PLEKHD1: variants seen among roughly 807,000 people sequenced by gnomAD.
PLEKHD1 encodes pleckstrin homology domain-containing family D member 1.
A neutral mutation model predicts 69.2 loss-of-function variants in PLEKHD1; 51 were observed. That is an observed-to-expected ratio of 0.74 (90% CI 0.59 to 0.93). PLEKHD1 has a LOEUF of 0.93. Among genes scored for constraint, PLEKHD1 ranks in the 40% least tolerant of loss-of-function variants. PLEKHD1 has a pLI of 0.00. For missense variants in PLEKHD1, 584 were observed against 641.0 expected, an observed-to-expected ratio of 0.91 and a Z score of 0.96; for synonymous variants, 236 against 244.7, an observed-to-expected ratio of 0.96 and a Z score of 0.33.
the PLEKHD1 span, among the ~76,000 whole-genome samples, chr14:69,475,454 G>A: frequency 1.3e-5 from 2 of 152,092 alleles, no homozygotes; most frequent in African/African-American, 4.8e-5. Context: ...GGGTGGCATG[G>A]TTTTCCAGCC....
At chr14:69,520,853 G>A (rs763701664) in intron 6 of PLEKHD1, among the ~76,000 whole-genome samples, 108 of 152,332 alleles carry the variant, frequency 7.1e-4, no homozygotes, top group African/African-American at 2.4e-3. Flanking sequence ...CCTCTTAAAG[G>A]CAACTGCCTA....
chr14:69,486,443 A>T lies in PLEKHD1; in HGVS notation c.149+1329A>T, dbSNP rs1478055019. Reference sequence around the variant, plus strand: ...GTTCAGCTTATCTCTGACCCCCTAAATGAAGGCTTGGAGCAACATGGAGTG... The same window carrying T: ...GTTCAGCTTATCTCTGACCCCCTAATTGAAGGCTTGGAGCAACATGGAGTG... On this transcript the variant is annotated intron_variant, in intron 1 of 12. Coordinates refer to ENST00000322564, the MANE Select transcript of PLEKHD1 (RefSeq NM_001161498.2). Among the ~76,000 whole-genome samples the T allele has an allele frequency of 3.3e-5, 5 of 152,222 alleles. No individual in the cohort carries two copies. The South Asian group carries it at 6.2e-4, about 19-fold the overall frequency.
At chr14:69,521,187 G>T (rs566396624) in intron 6 of PLEKHD1, among the ~76,000 whole-genome samples, 1 of 152,176 alleles carries the variant, frequency 6.6e-6, no homozygotes, top group African/African-American at 2.4e-5. Flanking sequence ...CAGTCTTGGT[G>T]GTGACAACAA....
At chr14:69,469,292 G>C in the PLEKHD1 span, among the ~76,000 whole-genome samples, 1 of 152,176 alleles carries the variant, frequency 6.6e-6, no homozygotes, top group African/African-American at 2.4e-5. Flanking sequence ...CTCTGTTCTT[G>C]AACTCACAAC....
intron 6 of PLEKHD1, among the ~76,000 whole-genome samples, chr14:69,504,903 T>C (rs1271899832): frequency 6.6e-6 from 1 of 152,192 alleles, no homozygotes; most frequent in African/African-American, 2.4e-5. Context: ...TTCTGTATTG[T>C]CAGCAAATTA....
chr14:69,504,190 A>G (rs553034733), intron 6 of PLEKHD1, among the ~76,000 whole-genome samples: 2 of 152,376 alleles, frequency 1.3e-5, no homozygotes, highest in South Asian at 2.1e-4. Flanking sequence ...GTTTGTTAGC[A>G]TTATGATCGT....
intron 1 of PLEKHD1, 86 bp from the exon 2 acceptor site, chr14:69,500,029 C>A: frequency 2.2e-6 from 2 of 903,732 alleles, no homozygotes; most frequent in South Asian, 1.6e-5. Flanking sequence ...CATGTGAGTC[C>A]AGGGCCCCCA....
At chr14:69,476,035 A>C in the PLEKHD1 span, among the ~76,000 whole-genome samples, 1 of 152,286 alleles carries the variant, frequency 6.6e-6, no homozygotes, top group East Asian at 1.9e-4. Context: ...AGGCAGGTGG[A>C]TCACTTGAGG....
At chr14:69,511,579 T>C (rs1883273176) in intron 6 of PLEKHD1, among the ~76,000 whole-genome samples, 1 of 152,204 alleles carries the variant, frequency 6.6e-6, no homozygotes, top group Non-Finnish European at 1.5e-5. Context: ...AGACAGAGTC[T>C]TGCTCTGTCA....
intron 6 of PLEKHD1, among the ~76,000 whole-genome samples, chr14:69,506,843 A>G (rs1337366147): frequency 6.8e-6 from 1 of 146,800 alleles, no homozygotes; most frequent in African/African-American, 2.6e-5. Context: ...CAATAGTTTC[A>G]CTGCCCTAAA....
At chr14:69,517,445 A>G (rs1883409987) in intron 6 of PLEKHD1, among the ~76,000 whole-genome samples, 2 of 151,874 alleles carry the variant, frequency 1.3e-5, no homozygotes, top group South Asian at 4.2e-4. Flanking sequence ...TCATTTGCAC[A>G]TAAATGGCAA....
rs779696474 is a variant in PLEKHD1, at chr14:69,528,461, C to A, written c.*42C>A. ...GCTTCCCAAGTCTCCCCTGGATGGGCGGGGGAGGGGAAGGGGTGGCAGAGG... is the reference window on the plus strand; with the variant it reads ...GCTTCCCAAGTCTCCCCTGGATGGGAGGGGGAGGGGAAGGGGTGGCAGAGG... On this transcript the variant is annotated 3_prime_UTR_variant, in exon 13 of 13. Transcript: ENST00000322564. The A allele has an allele frequency of 2.3e-5, 36 of 1,535,914 alleles. No individual in the cohort carries two copies. Among genetic ancestry groups the A allele is most frequent in the Middle Eastern group, 2.3e-4 (1 of 4,426 alleles).
chr14:69,527,148 G>A, intron 10 of PLEKHD1, 40 bp from the exon 11 acceptor site: 1 of 1,498,460 alleles, frequency 6.7e-7, no homozygotes. Flanking sequence ...GCTACTTCCA[G>A]GACCTGACTT....
chr14:69,483,537 C>T (rs1320803434), upstream of PLEKHD1, among the ~76,000 whole-genome samples: 1 of 152,004 alleles, frequency 6.6e-6, no homozygotes, highest in Non-Finnish European at 1.5e-5. Flanking sequence ...AATGTTCTGT[C>T]TGTTGCTTTG....
intron 11 of PLEKHD1, 90 bp downstream of exon 11, chr14:69,527,422 G>T: frequency 6.6e-7 from 1 of 1,511,712 alleles, no homozygotes; most frequent in Admixed American, 2.0e-5. Context: ...ACCCACACAG[G>T]GTCTGCTAGG....
rs140435936 is a variant in PLEKHD1 at position 69,511,139 on chromosome 14, TTTTGTTTG to T, written c.555+8275_555+8282del. On this transcript the variant is annotated intron_variant, in intron 6 of 12. Transcript: ENST00000322564. Reference sequence around the variant, plus strand: ...ATTCGTTTGGATTTGGTTTTCTTTGTTTTGTTTGTTTGTTTGTTTGTTGTTTGTTTGTT... The same window carrying T: ...ATTCGTTTGGATTTGGTTTTCTTTGTTTTGTTTGTTTGTTGTTTGTTTGTT... Among the ~76,000 whole-genome samples, 52 of 152,182 alleles carry T rather than the reference TTTTGTTTG, an allele frequency of 3.4e-4. 1 individual carries two copies. The South Asian group carries it at 9.8e-3, about 29-fold the overall frequency.
At chr14:69,468,079 A>G in the PLEKHD1 span, among the ~76,000 whole-genome samples, 1 of 152,230 alleles carries the variant, frequency 6.6e-6, no homozygotes, top group Non-Finnish European at 1.5e-5. Flanking sequence ...CAGTAGGCCA[A>G]GAAATAAACA....
At chr14:69,503,715 TAAG>T (rs1324337741) in intron 6 of PLEKHD1, 2 of 74,950 alleles carry the variant, frequency 2.7e-5, no homozygotes, top group East Asian at 7.0e-4. Context: ...AAAAAAAAAA[TAAG>T]CCGGGCATGG....
chr14:69,499,064 G>A (rs950507772), intron 1 of PLEKHD1, among the ~76,000 whole-genome samples: 1 of 152,114 alleles, frequency 6.6e-6, no homozygotes, highest in African/African-American at 2.4e-5. Flanking sequence ...CTGTAGGATT[G>A]GACTTGCATG....
Sources: allele counts gnomAD v4.1 joint callset (sites outside exome capture counted in the v4.1 genomes callset), GRCh38; gene constraint gnomAD v4.1.1; transcripts MANE v1.5; gene names NCBI Gene and HGNC (gene_info 2026-07-23, HGNC 2026-07-21).